The following NUP210 variants were observed in gnomAD, a reference collection of about 807,000 sequenced individuals.
NUP210 encodes the protein nuclear pore membrane glycoprotein 210.
NUP210 carries 151 observed loss-of-function variants against 196.0 expected under a neutral mutation model. That is an observed-to-expected ratio of 0.77 (90% CI 0.67 to 0.88). NUP210 has a LOEUF of 0.88. NUP210 is among the 40% of genes least tolerant of loss of function. The pLI, the probability that NUP210 is intolerant of heterozygous loss-of-function variation, is 0.00. For missense variants in NUP210, 2,314 were observed against 2,493.7 expected (o/e 0.93, Z 1.53); for synonymous variants, 1,070 against 1,052.7 (o/e 1.02, Z -0.32).
chr3:13,360,516 T>G (rs769530859), intron 14 of NUP210, 25 bp from the exon 15 acceptor site: 3 of 1,575,484 alleles, frequency 1.9e-6, no homozygotes, highest in South Asian at 1.1e-5. Flanking sequence ...GGCAGAAGAC[T>G]TGGCATTCTT....
chr3:13,380,895 T>C (rs963614454), intron 6 of NUP210, among the ~76,000 whole-genome samples: 1 of 152,240 alleles, frequency 6.6e-6, no homozygotes, highest in African/African-American at 2.4e-5. Flanking sequence ...TAATTTTCAC[T>C]AGAACATTGG....
At chr3:13,366,300 TG>T (rs1698533156) in intron 13 of NUP210, among the ~76,000 whole-genome samples, 1 of 151,818 alleles carries the variant, frequency 6.6e-6, no homozygotes, top group Non-Finnish European at 1.5e-5. Context: ...GGCTAATTTT[TG>T]TATTTTTTTT....
At chr3:13,413,612 C>T (rs541358978) in intron 1 of NUP210, among the ~76,000 whole-genome samples, 1 of 152,190 alleles carries the variant, frequency 6.6e-6, no homozygotes, top group African/African-American at 2.4e-5. Flanking sequence ...AGACTCTAGG[C>T]GTCTGCCTGT....
At position 13,341,890 on chromosome 3, in the gene NUP210, C is replaced by T. The variant is rs754947099; in HGVS notation, c.3093-7G>A. 1.2e-6 allele frequency: 2 copies of T among 1,614,048 alleles called. No homozygotes were observed. Among genetic ancestry groups the T allele is most frequent in the African/African-American group, 2.7e-5 (2 of 74,932 alleles). ...AAGGGCTTCATCAAGGGCCCTGAAA[C>T]AGAGGGAAGGGCTGGGACTTCTCCA... is the stretch of plus-strand genomic sequence containing the variant. On this transcript the variant is annotated splice_polypyrimidine_tract_variant and splice_region_variant and intron_variant, in intron 22 of 39. Transcript: ENST00000254508.
chr3:13,347,213 C>T lies in NUP210; in HGVS notation c.2836-3910G>A, dbSNP rs1019401358. On this transcript the variant is annotated intron_variant, in intron 20 of 39. Coordinates refer to ENST00000254508, the MANE Select transcript of NUP210 (RefSeq NM_024923.4). This position sits in a 1 kb window ranked among gnomAD's most constrained non-coding sequence, Gnocchi z 4.7. ...TGCGGCTCACAGGAGCTGGGCCCCC[C>T]GGCTTCATTCCCTCCTGAATCCGCA... is the stretch of plus-strand genomic sequence containing the variant. 7.1e-6 allele frequency: 7 copies of T among 985,392 alleles called. No homozygotes were observed. The highest frequency in any genetic ancestry group is 7.0e-5 in the African/African-American group (4 of 57,364). 61.0% of individuals were successfully genotyped at this position (985,392 alleles called of 1,614,324 possible).
chr3:13,332,229 CAT>C (rs1272062399), intron 29 of NUP210, 62 bp downstream of exon 29: 27 of 1,314,780 alleles, frequency 2.1e-5, no homozygotes, highest in African/African-American at 2.0e-4. Context: ...AGTGTTGACA[CAT>C]GAGGTGTCGG....
chr3:13,331,063 G>A (rs1005160595), intron 29 of NUP210, among the ~76,000 whole-genome samples: 1 of 152,114 alleles, frequency 6.6e-6, no homozygotes, highest in African/African-American at 2.4e-5. Flanking sequence ...ATCCAAAGCC[G>A]GTCCCAACAT....
Position 13,347,456 on chromosome 3 carries a change from CAAAAT to C in NUP210, c.2836-4158_2836-4154del, listed in dbSNP as rs1326329529. Reference sequence around the variant, plus strand: ...CTCCTATGTGCAAACCAGCCGAAAACAAAATAAAGGCCCTTACAGAGCGTTCTGGG... The same window carrying C: ...CTCCTATGTGCAAACCAGCCGAAAACAAAGGCCCTTACAGAGCGTTCTGGG... On this transcript the variant is annotated intron_variant, in intron 20 of 39. Coordinates refer to ENST00000254508, the MANE Select transcript of NUP210 (RefSeq NM_024923.4). This position sits in a 1 kb window ranked among gnomAD's most constrained non-coding sequence, Gnocchi z 4.7. The C allele has an allele frequency of 2.2e-6, 1 of 448,676 alleles. No homozygotes were observed. The highest frequency in any genetic ancestry group is 2.9e-6 in the Non-Finnish European group (1 of 339,520). The allele number at this position is 448,676 out of a possible 1,614,324, so 27.8% of individuals were successfully genotyped here.
intron 27 of NUP210, 35 bp from the exon 28 acceptor site, chr3:13,335,647 G>A (rs2124851094): frequency 6.8e-6 from 11 of 1,607,150 alleles, no homozygotes; most frequent in Non-Finnish European, 9.4e-6. Context: ...CAGGGGTAAG[G>A]CCCAGGCCCC....
rs778261437 is a variant in NUP210, at chr3:13,323,333, C to A, written c.4744G>T (p.Gly1582Ter). The change falls in exon 34 of 40, where the codon GGA (glycine) becomes TGA (stop). Residue 1582 changes from glycine to a stop codon, truncating the protein, a stop_gained. Transcript: ENST00000254508. LOFTEE classifies it high-confidence loss of function. The surrounding 1 kb of genome is among the most constrained non-coding windows in gnomAD (Gnocchi z 4.3). Reference sequence around the variant, plus strand: ...CCTCTCAGGTTAGAGCTTCTGTCTCCCACGGCAACAATCACTTTGGAGGCT... The same window carrying A: ...CCTCTCAGGTTAGAGCTTCTGTCTCACACGGCAACAATCACTTTGGAGGCT... Reference protein sequence around the residue: ...ATASKVIVAVGDRSSNLRGEC... With the variant: ...ATASKVIVAV 6.2e-7 allele frequency: 1 copy of A among 1,614,168 alleles called. No homozygotes were observed.
At chr3:13,353,869 G>T (rs1301277450) in intron 17 of NUP210, 46 bp downstream of exon 17, 1 of 1,554,144 alleles carries the variant, frequency 6.4e-7, no homozygotes, top group South Asian at 1.2e-5. Flanking sequence ...CTTCCTGTCT[G>T]GTCTCTGTTC....
Position 13,350,883 on chromosome 3 carries a change from A to G in NUP210, c.2835+996T>C, listed in dbSNP as rs1253460790. 6.6e-6 allele frequency among the ~76,000 whole-genome samples: 1 copy of G among 151,488 alleles called. No individual in the cohort carries two copies. The highest frequency in any genetic ancestry group is 2.4e-5 in the African/African-American group (1 of 41,214). ...AATTTTTTTTTTTTGTATATTTAGT[A>G]GAGACAGGGTTTCACCGTGTTAGCC... On this transcript the variant is annotated intron_variant, in intron 20 of 39. Transcript: ENST00000254508. This position sits in a 1 kb window ranked among gnomAD's most constrained non-coding sequence, Gnocchi z 4.1.
chr3:13,340,381 G>C lies in NUP210; in HGVS notation c.3229-83C>G. ...ATAACTCACACACTACATGTTTCAT[G>C]AGAGGAAAACCTGGGACATGGACAT... On this transcript the variant is annotated intron_variant, in intron 23 of 39. Coordinates refer to ENST00000254508, the MANE Select transcript of NUP210 (RefSeq NM_024923.4). The surrounding 1 kb of genome is among the most constrained non-coding windows in gnomAD (Gnocchi z 4.0). 1 of 1,264,472 alleles carries C rather than the reference G, an allele frequency of 7.9e-7. No homozygotes were observed. Among genetic ancestry groups the C allele is most frequent in the Non-Finnish European group, 1.1e-6 (1 of 872,996 alleles). The allele number at this position is 1,264,472 out of a possible 1,614,324, so 78.3% of individuals were successfully genotyped here.
chr3:13,333,616 G>A (rs1402828490), intron 28 of NUP210, among the ~76,000 whole-genome samples: 1 of 152,216 alleles, frequency 6.6e-6, no homozygotes, highest in Non-Finnish European at 1.5e-5. Context: ...GGTGACAGGA[G>A]GAACAACACT....
chr3:13,353,796 A>C (rs1698067048), intron 17 of NUP210, 119 bp downstream of exon 17: 2 of 1,222,640 alleles, frequency 1.6e-6, no homozygotes, highest in Admixed American at 4.0e-5. Context: ...GTGGATTGTA[A>C]GAGTTAACAG....
chr3:13,361,535 G>C (rs377352367), intron 14 of NUP210, among the ~76,000 whole-genome samples: 1 of 152,274 alleles, frequency 6.6e-6, no homozygotes, highest in South Asian at 2.1e-4. Context: ...CACAGCAGGG[G>C]TGCGGAGAGG....
intron 14 of NUP210, among the ~76,000 whole-genome samples, chr3:13,362,038 A>T (rs1698388529): frequency 6.6e-6 from 1 of 151,832 alleles, no homozygotes; most frequent in Non-Finnish European, 1.5e-5. Context: ...TCTGGCCCCC[A>T]CTTCACCTGG....
chr3:13,365,186 C>T (rs1698488495), intron 14 of NUP210, among the ~76,000 whole-genome samples: 1 of 152,234 alleles, frequency 6.6e-6, no homozygotes, highest in Non-Finnish European at 1.5e-5. Flanking sequence ...CAGAGGAAGG[C>T]CCAGTTCTTT....
chr3:13,392,599 T>C (rs2062063), intron 3 of NUP210, among the ~76,000 whole-genome samples: 93,943 of 152,136 alleles, frequency 0.62, 30,571 homozygotes, highest in African/African-American at 0.84. Flanking sequence ...AGTCCAACCC[T>C]TGGATGCTGC....
Sources: gnomAD v4.1 joint callset for allele counts (sites outside exome capture counted in the v4.1 genomes callset) on GRCh38, gnomAD v4.1.1 for gene constraint, Gnocchi (gnomAD v3.1) non-coding constraint, MANE v1.5 for transcripts, NCBI Gene and HGNC (gene_info 2026-07-23, HGNC 2026-07-21) for gene names.